PLD5: variants seen among roughly 807,000 people sequenced by gnomAD.
PLD5 encodes inactive phospholipase D5.
In PLD5, 36 loss-of-function variants were observed where a neutral mutation model predicts 61.1. The observed-to-expected ratio is 0.59, with a 90% CI of 0.45 to 0.78. PLD5 has a LOEUF of 0.78. Ranked by LOEUF, PLD5 falls within the 30% of genes least tolerant of loss-of-function variation. PLD5 has a pLI of 0.00. For missense variants in PLD5, 515 were observed against 644.4 expected, an observed-to-expected ratio of 0.80 and a Z score of 2.17; for synonymous variants, 243 against 242.8, an observed-to-expected ratio of 1.00 and a Z score of -0.01.
chr1:242,463,642 T>C (rs1667187429), intron 1 of PLD5, among the ~76,000 whole-genome samples: 1 of 152,090 alleles, frequency 6.6e-6, no homozygotes, highest in African/African-American at 2.4e-5. Context: ...ATCTAGGACC[T>C]GCCTTCCCAT....
At position 242,509,552 on chromosome 1, in the gene PLD5, G is replaced by A. The variant is rs572427912; in HGVS notation, c.189+14536C>T. ...TTCCTCCTTTACACTTAGAGGACAT[G>A]AGGCCTTCTAATTCATCTTGTTTTT... On this transcript the variant is annotated intron_variant, in intron 1 of 9. Transcript: ENST00000536534. Among the ~76,000 whole-genome samples the A allele has an allele frequency of 3.0e-4, 45 of 152,266 alleles. No homozygotes were observed. The Middle Eastern group carries it at 0.014, about 46-fold the overall frequency.
intron 5 of PLD5, among the ~76,000 whole-genome samples, chr1:242,173,054 G>C (rs1364215462): frequency 6.6e-6 from 1 of 152,058 alleles, no homozygotes; most frequent in Non-Finnish European, 1.5e-5. Context: ...TTCTGGCCAG[G>C]GCAATCAGGC....
At chr1:242,329,490 G>C (rs1403451846) in intron 2 of PLD5, among the ~76,000 whole-genome samples, 1 of 152,058 alleles carries the variant, frequency 6.6e-6, no homozygotes, top group African/African-American at 2.4e-5. Context: ...TGCAGTACCA[G>C]CTTCTGGTCA....
At chr1:242,444,172 G>T (rs1305575990) in intron 1 of PLD5, among the ~76,000 whole-genome samples, 3 of 152,148 alleles carry the variant, frequency 2.0e-5, no homozygotes, top group Admixed American at 2.0e-4. Context: ...GTTGGTATGT[G>T]TAATTCATAA....
rs34582650 is a variant in PLD5 at position 242,382,128 on chromosome 1, C to CAAAAAAAAAAAAAAAAA, written c.190-33887_190-33886insTTTTTTTTTTTTTTTTT. Among the ~76,000 whole-genome samples, 29 of 125,564 alleles carry CAAAAAAAAAAAAAAAAA rather than the reference C, an allele frequency of 2.3e-4. 1 individual carries two copies. Among genetic ancestry groups the CAAAAAAAAAAAAAAAAA allele is most frequent in the South Asian group, 7.5e-4 (3 of 4,024 alleles). 82.4% of individuals were successfully genotyped at this position (125,564 alleles called of 152,430 possible). On this transcript the variant is annotated intron_variant, in intron 1 of 9. Transcript: ENST00000536534. ...CAACTGATAGCGGAGACTTTGACAG[C>CAAAAAAAAAAAAAAAAA]AAAAAAAAAAACAAAACAAAAAACT...
Position 242,089,623 on chromosome 1 carries a change from T to C in PLD5, c.*231A>G, listed in dbSNP as rs949778585. 1 of 590,404 alleles carries C rather than the reference T, an allele frequency of 1.7e-6. No individual in the cohort carries two copies. Among genetic ancestry groups the C allele is most frequent in the Non-Finnish European group, 2.9e-6 (1 of 347,124 alleles). The allele number at this position is 590,404 out of a possible 1,614,324, so 36.6% of individuals were successfully genotyped here. On this transcript the variant is annotated 3_prime_UTR_variant, in exon 10 of 10. Coordinates refer to ENST00000536534, the MANE Select transcript of PLD5 (RefSeq NM_001372062.1). Reference sequence around the variant, plus strand: ...TTGTATGCAAACGTAAAAACTAACTTCTACGCCAGAATGACATTCTCTGTC... The same window carrying C: ...TTGTATGCAAACGTAAAAACTAACTCCTACGCCAGAATGACATTCTCTGTC...
chr1:242,148,631 C>T (rs1270969427), intron 5 of PLD5, among the ~76,000 whole-genome samples: 1 of 151,860 alleles, frequency 6.6e-6, no homozygotes, highest in Non-Finnish European at 1.5e-5. Flanking sequence ...AATATAATAT[C>T]TCCATTTTAA....
chr1:242,437,548 T>C (rs1361602560), intron 1 of PLD5, among the ~76,000 whole-genome samples: 1 of 151,954 alleles, frequency 6.6e-6, no homozygotes, highest in Non-Finnish European at 1.5e-5. Flanking sequence ...AACACAAAAA[T>C]TAGCCAGGTG....
At chr1:242,348,970 C>T (rs1364881142) in intron 1 of PLD5, among the ~76,000 whole-genome samples, 2 of 152,170 alleles carry the variant, frequency 1.3e-5, no homozygotes, top group East Asian at 3.9e-4. Flanking sequence ...AGGAGAATGG[C>T]TTGAACCTGG....
chr1:242,453,966 A>G (rs1218825029), intron 1 of PLD5, among the ~76,000 whole-genome samples: 1 of 152,192 alleles, frequency 6.6e-6, no homozygotes, highest in Admixed American at 6.5e-5. Context: ...CAGCAGGGCT[A>G]GGAGAGCTCA....
intron 3 of PLD5, among the ~76,000 whole-genome samples, chr1:242,281,777 CT>C (rs1055248952): frequency 7.9e-5 from 12 of 152,104 alleles, no homozygotes; most frequent in Admixed American, 7.9e-4. Flanking sequence ...GTGCCCCCTG[CT>C]TCTCCAAAGA....
chr1:242,437,412 A>G (rs995657196), intron 1 of PLD5, among the ~76,000 whole-genome samples: 7 of 152,138 alleles, frequency 4.6e-5, no homozygotes, highest in African/African-American at 1.7e-4. Context: ...AATTTAGTTT[A>G]CAGGCTGGGC....
rs71498859 is a variant in PLD5 at position 242,264,530 on chromosome 1, C to T, written c.607+807G>A. On this transcript the variant is annotated intron_variant, in intron 4 of 9. Transcript: ENST00000536534. Reference sequence around the variant, plus strand: ...TTGCCACTTAAAAATGTGGGGAAGACGACAAGCAAAAAAGGCACAGTATGT... The same window carrying T: ...TTGCCACTTAAAAATGTGGGGAAGATGACAAGCAAAAAAGGCACAGTATGT... Among the ~76,000 whole-genome samples, 848 of 152,094 alleles carry T rather than the reference C, an allele frequency of 5.6e-3. 12 individuals carry two copies. Among genetic ancestry groups the T allele is most frequent in the African/African-American group, 0.02 (815 of 41,470 alleles).
intron 9 of PLD5, among the ~76,000 whole-genome samples, chr1:242,100,134 G>C (rs973391090): frequency 6.6e-6 from 1 of 152,222 alleles, no homozygotes; most frequent in African/African-American, 2.4e-5. Flanking sequence ...CAATGAAGTA[G>C]TTACTATTAT....
chr1:242,321,789 G>GCA (rs1658432424), intron 2 of PLD5, among the ~76,000 whole-genome samples: 1 of 152,098 alleles, frequency 6.6e-6, no homozygotes, highest in Non-Finnish European at 1.5e-5. Context: ...TCCCTTGTGT[G>GCA]CACGTTTATA....
chr1:242,275,218 T>A (rs1378339976), intron 3 of PLD5, among the ~76,000 whole-genome samples: 2 of 152,086 alleles, frequency 1.3e-5, no homozygotes, highest in African/African-American at 2.4e-5. Context: ...AGCATTGATT[T>A]TTTTTTTAAT....
chr1:242,168,012 C>A (rs992364041), intron 5 of PLD5, among the ~76,000 whole-genome samples: 1 of 152,160 alleles, frequency 6.6e-6, no homozygotes, highest in African/African-American at 2.4e-5. Flanking sequence ...TGAGGTGCCA[C>A]TGCAAATCAA....
intron 5 of PLD5, among the ~76,000 whole-genome samples, chr1:242,167,709 G>A (rs1419710041): frequency 6.6e-6 from 1 of 152,186 alleles, no homozygotes; most frequent in Non-Finnish European, 1.5e-5. Flanking sequence ...AGGCAATAAG[G>A]CACAGAGAGG....
intron 5 of PLD5, 108 bp from the exon 6 acceptor site, chr1:242,124,773 G>T: frequency 4.6e-6 from 4 of 861,374 alleles, no homozygotes; most frequent in Non-Finnish European, 7.1e-6. Flanking sequence ...CTTTTTTCTT[G>T]CATTTGAAGT....
Sources: allele counts gnomAD v4.1 joint callset (sites outside exome capture counted in the v4.1 genomes callset), GRCh38; gene constraint gnomAD v4.1.1; transcripts MANE v1.5; gene names NCBI Gene and HGNC (gene_info 2026-07-23, HGNC 2026-07-21).